SRGAP2: variants seen among roughly 807,000 people sequenced by gnomAD.
SRGAP2 encodes SLIT-ROBO Rho GTPase-activating protein 2.
A neutral mutation model predicts 57.2 loss-of-function variants in SRGAP2; 15 were observed. The ratio of observed to expected loss-of-function variants is 0.26; its 90% CI spans 0.18 to 0.40. The LOEUF (loss-of-function observed/expected upper bound fraction) is 0.40. Among genes scored for constraint, SRGAP2 ranks in the 10% least tolerant of loss-of-function variants. The pLI, the probability that SRGAP2 is intolerant of heterozygous loss-of-function variation, is 1.00. For missense variants in SRGAP2, 520 were observed against 669.6 expected, an observed-to-expected ratio of 0.78 and a Z score of 2.47; for synonymous variants, 249 against 248.0, an observed-to-expected ratio of 1.00 and a Z score of -0.04.
intron 14 of SRGAP2, among the ~76,000 whole-genome samples, chr1:206,436,161 A>T (rs139336660): frequency 1.3e-5 from 2 of 151,954 alleles, no homozygotes; most frequent in African/African-American, 4.8e-5. Context: ...TTTTCTTCCA[A>T]TGTGGTCCAG....
At chr1:206,392,014 G>T (rs1237210787) in intron 5 of SRGAP2, among the ~76,000 whole-genome samples, 5 of 150,222 alleles carry the variant, frequency 3.3e-5, no homozygotes, top group Admixed American at 6.6e-5. Flanking sequence ...TTGTTGTCTA[G>T]ATTGTGGAAT....
At chr1:206,421,181 G>A (rs892740295) in intron 12 of SRGAP2, 69 bp from the exon 13 acceptor site, 4 of 730,962 alleles carry the variant, frequency 5.5e-6, no homozygotes, top group South Asian at 1.5e-5. Context: ...TATCTCATTC[G>A]TCCCAATTTT....
chr1:206,445,949 A>G (rs1662718948), intron 17 of SRGAP2, 126 bp from the exon 18 acceptor site: 1 of 646,096 alleles, frequency 1.5e-6, no homozygotes, highest in Non-Finnish European at 2.9e-6. Flanking sequence ...AGTCTCTGAC[A>G]CCCAGAAAGG....
At chr1:206,338,705 C>G (rs1216025882) in intron 3 of SRGAP2, among the ~76,000 whole-genome samples, 1 of 75,654 alleles carries the variant, frequency 1.3e-5, no homozygotes. Context: ...CTCAAAGGAC[C>G]AGAAATATTG....
chr1:206,378,397 G>C (rs1344883723), intron 4 of SRGAP2, among the ~76,000 whole-genome samples: 2 of 152,010 alleles, frequency 1.3e-5, no homozygotes, highest in Non-Finnish European at 2.9e-5. Flanking sequence ...GGAGGATCAC[G>C]TGACAGTTGA....
chr1:206,309,746 A>T (rs2102783661), intron 3 of SRGAP2, among the ~76,000 whole-genome samples: 1 of 151,908 alleles, frequency 6.6e-6, no homozygotes, highest in African/African-American at 2.4e-5. Flanking sequence ...GAGACGGCAT[A>T]CTGCTGAGGT....
chr1:206,289,587 T>G (rs1162901681), intron 2 of SRGAP2, among the ~76,000 whole-genome samples: 2 of 151,490 alleles, frequency 1.3e-5, no homozygotes, highest in African/African-American at 4.8e-5. Context: ...GGACTGTTTT[T>G]TTTTTTTGGT....
chr1:206,385,904 CT>C (rs1656197421), intron 5 of SRGAP2, among the ~76,000 whole-genome samples: 1 of 151,994 alleles, frequency 6.6e-6, no homozygotes, highest in Admixed American at 6.5e-5. Context: ...ATAAGGTGAG[CT>C]GGAATACACC....
intron 2 of SRGAP2, among the ~76,000 whole-genome samples, chr1:206,283,331 T>TTACTGGAGTAA: frequency 6.6e-6 from 1 of 150,588 alleles, no homozygotes; most frequent in Non-Finnish European, 1.5e-5. Context: ...TACTGGAGTC[T>TTACTGGAGTAA]GACTAAAAAG....
intron 22 of SRGAP2, 27 bp downstream of exon 22, chr1:206,458,974 C>T (rs1553379604): frequency 5.6e-6 from 4 of 714,874 alleles, no homozygotes. Context: ...GGACAGACAG[C>T]ATGAGTCTAC....
At chr1:206,413,892 T>C (rs1489648239) in intron 10 of SRGAP2, among the ~76,000 whole-genome samples, 2 of 152,110 alleles carry the variant, frequency 1.3e-5, no homozygotes, top group Admixed American at 6.5e-5. Context: ...AGGGACTGCA[T>C]CCCAGAGAAA....
chr1:206,425,092 G>A (rs1044771331), intron 13 of SRGAP2, among the ~76,000 whole-genome samples: 1 of 152,116 alleles, frequency 6.6e-6, no homozygotes, highest in East Asian at 1.9e-4. Flanking sequence ...GCCAAATTTT[G>A]TACTCACACA....
At chr1:206,214,849 C>G (rs1553303083) in intron 2 of SRGAP2, 1 of 151,812 alleles carries the variant, frequency 6.6e-6, no homozygotes, top group African/African-American at 2.4e-5. Flanking sequence ...TGGTAAAGCC[C>G]AACGTTTCTG....
chr1:206,377,515 A>G (rs1655328823), intron 4 of SRGAP2, among the ~76,000 whole-genome samples: 1 of 77,890 alleles, frequency 1.3e-5, no homozygotes, highest in African/African-American at 5.8e-5. Flanking sequence ...AGCTAGATTC[A>G]ATATCTAGCT....
At chr1:206,421,439 G>A (rs1553364332) in intron 13 of SRGAP2, among the ~76,000 whole-genome samples, 165 bp downstream of exon 13, 2 of 152,226 alleles carry the variant, frequency 1.3e-5, no homozygotes, top group African/African-American at 4.8e-5. Context: ...CAATGTCATT[G>A]ATTTAACTAG....
intron 3 of SRGAP2, among the ~76,000 whole-genome samples, chr1:206,304,215 A>G (rs1359369388): frequency 2.1e-5 from 3 of 144,336 alleles, no homozygotes; most frequent in Admixed American, 6.8e-5. Flanking sequence ...CTTCTATAGC[A>G]GAGATTTTCA....
chr1:206,432,699 C>T (rs1661380301), intron 14 of SRGAP2, among the ~76,000 whole-genome samples: 1 of 152,200 alleles, frequency 6.6e-6, no homozygotes, highest in Non-Finnish European at 1.5e-5. Flanking sequence ...ACTACAGATG[C>T]TCCTCGGCCT....
chr1:206,443,736 A>G (rs923189044), intron 17 of SRGAP2, among the ~76,000 whole-genome samples: 1 of 152,334 alleles, frequency 6.6e-6, no homozygotes, highest in East Asian at 1.9e-4. Flanking sequence ...CTTACACTAG[A>G]CACAGCCTTC....
At chr1:206,422,206 C>T (rs1660381110) in intron 13 of SRGAP2, among the ~76,000 whole-genome samples, 1 of 152,138 alleles carries the variant, frequency 6.6e-6, no homozygotes, top group South Asian at 2.1e-4. Context: ...TTTATGGTGT[C>T]GGCAGCACCG....
Sources: gnomAD v4.1 joint callset for allele counts (sites outside exome capture counted in the v4.1 genomes callset) on GRCh38, gnomAD v4.1.1 for gene constraint, MANE v1.5 for transcripts, NCBI Gene and HGNC (gene_info 2026-07-23, HGNC 2026-07-21) for gene names.